NFX1: variants seen among roughly 807,000 people sequenced by gnomAD.
NFX1 encodes nuclear transcription factor, X-box binding 1.
In NFX1, 69 loss-of-function variants were observed where a neutral mutation model predicts 137.2. That is an observed-to-expected ratio of 0.50 (90% CI 0.41 to 0.61). The LOEUF is 0.61. Ranked by LOEUF, NFX1 falls within the 20% of genes least tolerant of loss-of-function variation. The pLI is 0.00. For synonymous variants in NFX1, 495 were observed against 474.1 expected (o/e 1.04, Z -0.57); for missense variants, 1,167 against 1,391.0 (o/e 0.84, Z 2.56).
At chr9:33,324,604 A>G (rs1399054616) in intron 9 of NFX1, among the ~76,000 whole-genome samples, 1 of 152,062 alleles carries the variant, frequency 6.6e-6, no homozygotes, top group African/African-American at 2.4e-5. Flanking sequence ...GAGCTGGCAG[A>G]AGAAACGATC....
chr9:33,347,019 T>TA lies in NFX1; in HGVS notation c.2345-18dup. 1 of 1,589,682 alleles carries TA rather than the reference T, an allele frequency of 6.3e-7. No individual in the cohort carries two copies. Among genetic ancestry groups the TA allele is most frequent in the Non-Finnish European group, 8.6e-7 (1 of 1,158,848 alleles). On this transcript the variant is annotated intron_variant, in intron 14 of 23. Transcript: ENST00000379540. ...TTTATTTAGAAAGTATTCCTAAAGT[T>TA]ACCTTTCTCTTTCTGCAGTATATCA...
intron 9 of NFX1, among the ~76,000 whole-genome samples, chr9:33,323,707 T>C (rs944015274): frequency 2.7e-5 from 4 of 150,802 alleles, no homozygotes; most frequent in African/African-American, 9.8e-5. Context: ...GAGCCGCGAT[T>C]GCGCCACTGC....
At chr9:33,341,485 G>A (rs988572658) in intron 12 of NFX1, among the ~76,000 whole-genome samples, 2 of 152,052 alleles carry the variant, frequency 1.3e-5, no homozygotes, top group African/African-American at 4.8e-5. Flanking sequence ...CATAAACAAG[G>A]TAACACAGTA....
chr9:33,316,858 C>T (rs1234514344), intron 7 of NFX1, among the ~76,000 whole-genome samples: 1 of 152,098 alleles, frequency 6.6e-6, no homozygotes, highest in Non-Finnish European at 1.5e-5. Flanking sequence ...CAGATTTTTT[C>T]ATCAGGAACT....
At chr9:33,309,088 T>C (rs558030610) in intron 5 of NFX1, among the ~76,000 whole-genome samples, 7 of 152,324 alleles carry the variant, frequency 4.6e-5, no homozygotes, top group African/African-American at 1.7e-4. Flanking sequence ...CTGGGCGCGG[T>C]GGCTCATGCC....
At chr9:33,331,728 G>C (rs1331519555) in intron 10 of NFX1, among the ~76,000 whole-genome samples, 1 of 146,812 alleles carries the variant, frequency 6.8e-6, no homozygotes, top group South Asian at 2.1e-4. Context: ...TTTTTACGAA[G>C]AGGGGACTTT....
intron 5 of NFX1, among the ~76,000 whole-genome samples, chr9:33,309,041 A>G (rs976576689): frequency 4.6e-4 from 70 of 152,118 alleles, no homozygotes; most frequent in African/African-American, 1.7e-3. Flanking sequence ...ATTAGTTGTC[A>G]TTTTCAGTAA....
chr9:33,341,925 T>C (rs1823236821), intron 12 of NFX1, among the ~76,000 whole-genome samples: 1 of 151,998 alleles, frequency 6.6e-6, no homozygotes, highest in African/African-American at 2.4e-5. Flanking sequence ...CAGACCAGCC[T>C]GGCCAACATG....
chr9:33,354,822 C>G lies in NFX1; in HGVS notation c.2832-29C>G, dbSNP rs568987827. ...GGGAGCTGTACAGTCTGTATTCTGA[C>G]TTTAATTTTTTTTCATTTGCTTATC... On this transcript the variant is annotated intron_variant, in intron 18 of 23. Coordinates refer to ENST00000379540, the MANE Select transcript of NFX1 (RefSeq NM_002504.6). 8 of 1,607,134 alleles carry G rather than the reference C, an allele frequency of 5.0e-6. No individual in the cohort carries two copies. In the South Asian group the frequency reaches 7.8e-5, roughly 16 times the overall value.
chr9:33,355,684 G>A (rs1305619252), intron 19 of NFX1, among the ~76,000 whole-genome samples: 4 of 125,248 alleles, frequency 3.2e-5, no homozygotes, highest in African/African-American at 1.2e-4. Context: ...TTCTCTTGTC[G>A]CCTAGGCTGG....
intron 7 of NFX1, among the ~76,000 whole-genome samples, chr9:33,318,241 A>G (rs551382141): frequency 6.6e-6 from 1 of 152,262 alleles, no homozygotes; most frequent in Admixed American, 6.5e-5. Context: ...GTAAAACCTG[A>G]CATAAAGTAT....
intron 9 of NFX1, among the ~76,000 whole-genome samples, chr9:33,322,824 A>G (rs1213223563): frequency 2.0e-5 from 3 of 152,218 alleles, no homozygotes; most frequent in Non-Finnish European, 2.9e-5. Flanking sequence ...GCCTAAGGAC[A>G]CTTTAGAAAA....
At chr9:33,360,826 TGAA>T (rs1456857252) in intron 19 of NFX1, among the ~76,000 whole-genome samples, 1 of 152,228 alleles carries the variant, frequency 6.6e-6, no homozygotes, top group African/African-American at 2.4e-5. Context: ...AAGTGTCTTT[TGAA>T]AAATTGGAAA....
At chr9:33,358,020 C>T (rs566358539) in intron 19 of NFX1, among the ~76,000 whole-genome samples, 40 of 152,242 alleles carry the variant, frequency 2.6e-4, no homozygotes, top group African/African-American at 8.7e-4. Context: ...TTTGATTTCT[C>T]TCAATGATAC....
intron 15 of NFX1, chr9:33,348,043 GT>G (rs1823494940): frequency 6.6e-6 from 1 of 152,614 alleles, no homozygotes; most frequent in African/African-American, 2.4e-5. Flanking sequence ...CGGGAGGCGG[GT>G]GAGGGATAAA....
rs779772179 is a variant in NFX1 at position 33,290,530 on chromosome 9, G to A, written c.-43G>A. 2.5e-6 allele frequency: 4 copies of A among 1,612,538 alleles called. No homozygotes were observed. The highest frequency in any genetic ancestry group is 3.4e-6 in the Non-Finnish European group (4 of 1,178,794). On this transcript the variant is annotated 5_prime_UTR_variant, in exon 1 of 24. Coordinates refer to ENST00000379540, the MANE Select transcript of NFX1 (RefSeq NM_002504.6). ...CCGGGGCACGTGACCTGGTGACAGT[G>A]CTGACTTGGCTGTACAGCTCGATCT...
At chr9:33,321,338 G>T (rs560233348) in intron 9 of NFX1, among the ~76,000 whole-genome samples, 1 of 152,304 alleles carries the variant, frequency 6.6e-6, no homozygotes, top group African/African-American at 2.4e-5. Context: ...TGAGTTGACT[G>T]AGAAGCTCAG....
chr9:33,300,046 A>G (rs1387501397), intron 2 of NFX1, among the ~76,000 whole-genome samples: 1 of 150,262 alleles, frequency 6.7e-6, no homozygotes, highest in Non-Finnish European at 1.5e-5. Context: ...CATCTGTAAA[A>G]TGGTACCTAT....
intron 15 of NFX1, chr9:33,348,229 C>G (rs950434056): frequency 2.0e-5 from 3 of 152,092 alleles, no homozygotes; most frequent in Non-Finnish European, 4.4e-5. Context: ...TCCCTGTAAT[C>G]CCAGCTACTT....
Sources: allele counts gnomAD v4.1 joint callset (sites outside exome capture counted in the v4.1 genomes callset), GRCh38; gene constraint gnomAD v4.1.1; transcripts MANE v1.5; gene names NCBI Gene and HGNC (gene_info 2026-07-23, HGNC 2026-07-21).